Variants in DBX2 observed in about 807,000 individuals in gnomAD.
DBX2 encodes homeobox protein DBX2.
DBX2 carries 16 observed loss-of-function variants against 17.7 expected under a neutral mutation model. The ratio of observed to expected loss-of-function variants is 0.90; its 90% CI spans 0.61 to 1.37. The LOEUF is 1.37. Ranked by LOEUF, DBX2 falls within the 40% of genes most tolerant of loss-of-function variation. The pLI, the probability that DBX2 is intolerant of heterozygous loss-of-function variation, is 0.00. For synonymous variants in DBX2, 255 were observed against 183.8 expected, an observed-to-expected ratio of 1.39 and a Z score of -3.13; for missense variants, 538 against 433.8, an observed-to-expected ratio of 1.24 and a Z score of -2.13.
intron 1 of DBX2, among the ~76,000 whole-genome samples, chr12:45,041,655 G>A (rs1230124858): frequency 6.6e-6 from 1 of 152,066 alleles, no homozygotes; most frequent in Non-Finnish European, 1.5e-5. Flanking sequence ...GGGTCTTAAT[G>A]TTTTGGTAGA....
intron 1 of DBX2, among the ~76,000 whole-genome samples, chr12:45,037,280 A>T (rs1312675350): frequency 6.6e-6 from 1 of 152,210 alleles, no homozygotes; most frequent in South Asian, 2.1e-4. Flanking sequence ...TTAATACAAT[A>T]TAACTGTAGG....
chr12:45,016,150 T>C lies in DBX2; in HGVS notation c.*136A>G. ...CAAACAAGAGAACACTAGAGTGGGT[T>C]TCCTAAAGCATTAGTTCATACATCG... On this transcript the variant is annotated 3_prime_UTR_variant, in exon 4 of 4. Coordinates refer to ENST00000332700, the MANE Select transcript of DBX2 (RefSeq NM_001004329.3). 2.2e-6 allele frequency: 2 copies of C among 911,142 alleles called. No individual in the cohort carries two copies. The highest frequency in any genetic ancestry group is 6.6e-5 in the Admixed American group (2 of 30,302). 56.4% of individuals were successfully genotyped at this position (911,142 alleles called of 1,614,324 possible). A position where few individuals can be genotyped will look rare whatever the true frequency, so the allele number is the denominator to read the frequency against.
chr12:45,035,177 T>C (rs1251533733), intron 2 of DBX2, among the ~76,000 whole-genome samples: 2 of 152,214 alleles, frequency 1.3e-5, no homozygotes, highest in African/African-American at 4.8e-5. Flanking sequence ...TCAACCGTGA[T>C]GGGGTTCGGC....
chr12:45,033,783 G>C (rs1405375233), intron 2 of DBX2, among the ~76,000 whole-genome samples: 1 of 152,070 alleles, frequency 6.6e-6, no homozygotes, highest in African/African-American at 2.4e-5. Flanking sequence ...TCCTTGATTA[G>C]AGCTGTACTG....
At chr12:45,019,686 G>A (rs1388389036) in intron 3 of DBX2, among the ~76,000 whole-genome samples, 2 of 152,028 alleles carry the variant, frequency 1.3e-5, no homozygotes, top group African/African-American at 4.8e-5. Context: ...AATTGACGAT[G>A]GTGAAATGAT....
intron 1 of DBX2, among the ~76,000 whole-genome samples, chr12:45,045,918 C>T (rs1194630128): frequency 6.6e-6 from 1 of 152,132 alleles, no homozygotes; most frequent in Non-Finnish European, 1.5e-5. Context: ...TTCAAACCAT[C>T]GTACCCCTTA....
chr12:45,016,468 A>G lies in DBX2; in HGVS notation c.838T>C (p.Trp280Arg). The G allele has an allele frequency of 1.9e-6, 3 of 1,613,970 alleles. No individual in the cohort carries two copies. Among genetic ancestry groups the G allele is most frequent in the Non-Finnish European group, 2.5e-6 (3 of 1,179,926 alleles). Residue 280 changes from tryptophan to arginine, a missense_variant, in exon 4 of 4, where the codon TGG becomes CGG. Transcript: ENST00000332700. The part of the protein sequence containing the change: ...LGFPSPCPSI[W>R]DVPQQHSSPR... ...CTTGAGTGCTGTTGGGGGACGTCCC[A>G]TATTGAAGGACATGGAGAAGGGAAA...
At position 45,040,670 on chromosome 12, in the gene DBX2, C is replaced by A. The variant is rs748809751; in HGVS notation, c.404-4556G>T. On this transcript the variant is annotated intron_variant, in intron 1 of 3. Transcript: ENST00000332700. Reference sequence around the variant, plus strand: ...TATAGCCAACCTAATGGTGAACTAGCCTGATTTTTTTTAACTTAGCTGACT... The same window carrying A: ...TATAGCCAACCTAATGGTGAACTAGACTGATTTTTTTTAACTTAGCTGACT... Among the ~76,000 whole-genome samples the A allele has an allele frequency of 2.7e-4, 41 of 152,120 alleles. 1 individual carries two copies. Among genetic ancestry groups the A allele is most frequent in the Admixed American group, 1.3e-3 (20 of 15,260 alleles).
Position 45,050,799 on chromosome 12 carries a change from C to G in DBX2, c.129G>C (p.Leu43Phe), listed in dbSNP as rs758832490. Residue 43 changes from leucine (L) to phenylalanine (F), a missense_variant, in exon 1 of 4, where the codon TTG (leucine) becomes TTC (phenylalanine). Leu to Phe is a conservative substitution (Grantham distance 22). Transcript: ENST00000332700. ...GCGTTGGGGCGCCCCCGACCCGCAGCAAATTCTCGATCAGGAAACTCTTGC... is the reference window on the plus strand; with the variant it reads ...GCGTTGGGGCGCCCCCGACCCGCAGGAAATTCTCGATCAGGAAACTCTTGC... ...NLGKSFLIEN[L>F]LRVGGAPTPR... 1.3e-6 allele frequency: 2 copies of G among 1,533,146 alleles called. No homozygotes were observed. The highest frequency in any genetic ancestry group is 4.1e-5 in the Admixed American group (2 of 48,418). The allele number at this position is 1,533,146 out of a possible 1,614,324, so 95.0% of individuals were successfully genotyped here. A position where few individuals can be genotyped will look rare whatever the true frequency, so the allele number is the denominator to read the frequency against.
At position 45,050,736 on chromosome 12, in the gene DBX2, G is replaced by A. The variant is rs1306271660; in HGVS notation, c.192C>T (p.Thr64=). 1.3e-6 allele frequency: 2 copies of A among 1,495,062 alleles called. No individual in the cohort carries two copies. The highest frequency in any genetic ancestry group is 1.5e-5 in the African/African-American group (1 of 68,054). 92.6% of individuals were successfully genotyped at this position (1,495,062 alleles called of 1,614,324 possible). Residue 64 remains threonine, a synonymous_variant, in exon 1 of 4, where the codon ACC becomes ACT. Transcript: ENST00000332700. ...LQPPAPHDPA[T]ALATAGAQLR... ...GCTGCGCGCCCGCGGTGGCCAGGGCGGTCGCCGGGTCGTGGGGCGCGGGCG... is the reference window on the plus strand; with the variant it reads ...GCTGCGCGCCCGCGGTGGCCAGGGCAGTCGCCGGGTCGTGGGGCGCGGGCG...
At chr12:45,037,222 G>T (rs1231754864) in intron 1 of DBX2, among the ~76,000 whole-genome samples, 3 of 152,162 alleles carry the variant, frequency 2.0e-5, no homozygotes, top group African/African-American at 7.2e-5. Context: ...TGTATGCTGT[G>T]CTTTGGTTAA....
intron 3 of DBX2, among the ~76,000 whole-genome samples, chr12:45,021,076 T>C (rs1414070068): frequency 6.6e-6 from 1 of 152,174 alleles, no homozygotes; most frequent in African/African-American, 2.4e-5. Flanking sequence ...TGAGATGCTG[T>C]AACTGATATA....
chr12:45,023,854 A>C lies in DBX2; in HGVS notation c.540T>G (p.Asn180Lys), dbSNP rs775278523. 28 of 1,597,408 alleles carry C rather than the reference A, an allele frequency of 1.8e-5. No individual in the cohort carries two copies. In the East Asian group the frequency reaches 6.3e-4, roughly 36 times the overall value. The change falls in exon 3 of 4, where the codon AAT (asparagine) becomes AAG (lysine). Residue 180 changes from asparagine (N) to lysine (K), a missense_variant. Asn to Lys is a moderately conservative substitution (Grantham distance 94). Transcript: ENST00000332700. ...SMLPLLTQDS[N>K]SKARRGILRR... Reference sequence around the variant, plus strand: ...TTAAAATGCCCCTCCGAGCTTTGGAATTAGAGTCCTGTGTCAGGAGAGGCA... The same window carrying C: ...TTAAAATGCCCCTCCGAGCTTTGGACTTAGAGTCCTGTGTCAGGAGAGGCA...
intron 1 of DBX2, among the ~76,000 whole-genome samples, chr12:45,050,146 G>C (rs972362985): frequency 2.0e-5 from 3 of 152,152 alleles, no homozygotes; most frequent in Non-Finnish European, 4.4e-5. Flanking sequence ...TGCAGCCCGG[G>C]AAACAGGACC....
At position 45,039,324 on chromosome 12, in the gene DBX2, T is replaced by A. The variant is rs1455207967; in HGVS notation, c.404-3210A>T. On this transcript the variant is annotated intron_variant, in intron 1 of 3. Coordinates refer to ENST00000332700, the MANE Select transcript of DBX2 (RefSeq NM_001004329.3). ...ATATATATATATATATATATATATGTATCACACTTTTAACTTTAGTGAACC... is the reference window on the plus strand; with the variant it reads ...ATATATATATATATATATATATATGAATCACACTTTTAACTTTAGTGAACC... Among the ~76,000 whole-genome samples, 3 of 117,478 alleles carry A rather than the reference T, an allele frequency of 2.6e-5. No homozygotes were observed. The East Asian group carries it at 7.3e-4, about 29-fold the overall frequency. The allele number at this position is 117,478 out of a possible 152,430, so 77.1% of individuals were successfully genotyped here.
intron 3 of DBX2, 32 bp downstream of exon 3, chr12:45,023,675 G>A: frequency 6.8e-6 from 11 of 1,612,246 alleles, no homozygotes; most frequent in Non-Finnish European, 9.3e-6. Context: ...GAAGAAATCA[G>A]AGGCAGTAGA....
intron 2 of DBX2, 144 bp from the exon 3 acceptor site, chr12:45,024,038 A>G: frequency 3.9e-6 from 3 of 778,524 alleles, no homozygotes; most frequent in Non-Finnish European, 3.7e-6. Context: ...AGTACTTCCT[A>G]ACTTCTTTTT....
In DBX2 at chr12:45,016,089, T is replaced by G. The variant is rs534703325; in HGVS notation, c.*197A>C. ...AGTTCTGTCATACTTGCTGGGAGAT[T>G]CTATTCCACTTACAAATTAAGCCTG... On this transcript the variant is annotated 3_prime_UTR_variant, in exon 4 of 4. Coordinates refer to ENST00000332700, the MANE Select transcript of DBX2 (RefSeq NM_001004329.3). 106 of 491,810 alleles carry G rather than the reference T, an allele frequency of 2.2e-4. No homozygotes were observed. Among genetic ancestry groups the G allele is most frequent in the African/African-American group, 1.8e-3 (94 of 51,156 alleles). The allele number at this position is 491,810 out of a possible 1,614,324, so 30.5% of individuals were successfully genotyped here.
At chr12:45,022,065 A>G (rs1946355384) in intron 3 of DBX2, among the ~76,000 whole-genome samples, 1 of 152,154 alleles carries the variant, frequency 6.6e-6, no homozygotes, top group Admixed American at 6.5e-5. Context: ...TGATATAGAC[A>G]GAATTCCTAT....
Sources: allele counts gnomAD v4.1 joint callset (sites outside exome capture counted in the v4.1 genomes callset), GRCh38; gene constraint gnomAD v4.1.1; transcripts MANE v1.5; gene names NCBI Gene and HGNC (gene_info 2026-07-23, HGNC 2026-07-21).